Variants in TMEM245 observed in about 807,000 individuals in gnomAD.
TMEM245 encodes the protein transmembrane protein 245, also known as protein CG-2.
Under a neutral mutation model 101.2 loss-of-function variants are expected in TMEM245, and 69 were observed. The observed-to-expected ratio is 0.68, with a 90% CI of 0.56 to 0.83. The LOEUF (loss-of-function observed/expected upper bound fraction) is 0.83. Among genes scored for constraint, TMEM245 ranks in the 40% least tolerant of loss-of-function variants. TMEM245 has a pLI of 0.00. For missense variants in TMEM245, 1,075 were observed against 1,092.8 expected, an observed-to-expected ratio of 0.98 and a Z score of 0.23; for synonymous variants, 537 against 449.8, an observed-to-expected ratio of 1.19 and a Z score of -2.45.
chr9:109,042,725 A>G (rs568394274), intron 14 of TMEM245, among the ~76,000 whole-genome samples: 1 of 151,916 alleles, frequency 6.6e-6, no homozygotes, highest in Non-Finnish European at 1.5e-5. Context: ...GGTTTTTAGT[A>G]TGCGCACAAT....
chr9:109,110,610 C>T (rs924217105), intron 1 of TMEM245, among the ~76,000 whole-genome samples: 1 of 151,884 alleles, frequency 6.6e-6, no homozygotes, highest in Non-Finnish European at 1.5e-5. Context: ...TTCAGAGGTA[C>T]GTCAGTTAGC....
At chr9:109,088,743 G>A (rs1251264894) in intron 5 of TMEM245, among the ~76,000 whole-genome samples, 1 of 146,052 alleles carries the variant, frequency 6.8e-6, no homozygotes, top group Non-Finnish European at 1.5e-5. Context: ...GTGAACCCAG[G>A]AAGTGAAGCT....
At position 109,016,713 on chromosome 9, in the gene TMEM245, G is replaced by A. The variant is rs1827456543; in HGVS notation, c.*3747C>T. 2 of 137,788 alleles carry A rather than the reference G, an allele frequency of 1.5e-5. No individual in the cohort carries two copies. The highest frequency in any genetic ancestry group is 7.7e-5 in the Admixed American group (1 of 12,984). 8.5% of individuals were successfully genotyped at this position (137,788 alleles called of 1,614,324 possible). ...CCAATAATCGGTAAGTTAATAAAAT[G>A]AATATATTTTGATGGCAGAATGTTG... is the stretch of plus-strand genomic sequence containing the variant. On this transcript the variant is annotated 3_prime_UTR_variant, in exon 18 of 18. Coordinates refer to ENST00000374586, the MANE Select transcript of TMEM245 (RefSeq NM_032012.4).
intron 1 of TMEM245, among the ~76,000 whole-genome samples, chr9:109,117,671 T>G (rs1156229271): frequency 6.6e-6 from 1 of 152,234 alleles, no homozygotes; most frequent in Admixed American, 6.5e-5. Flanking sequence ...TCATGCCAAA[T>G]TACTTAGGTA....
At chr9:109,047,294 C>T (rs1367356628) in intron 14 of TMEM245, among the ~76,000 whole-genome samples, 3 of 152,212 alleles carry the variant, frequency 2.0e-5, no homozygotes, top group Non-Finnish European at 4.4e-5. Flanking sequence ...AGTGTATGCA[C>T]TCCCAAGAAG....
intron 17 of TMEM245, among the ~76,000 whole-genome samples, chr9:109,032,442 T>C (rs1051996196): frequency 7.6e-5 from 10 of 132,396 alleles, no homozygotes; most frequent in Non-Finnish European, 1.6e-4. Context: ...TGGAATCCAA[T>C]GGCATGATCT....
At position 109,119,721 on chromosome 9, in the gene TMEM245, G is replaced by C. The variant is rs747250014; in HGVS notation, c.193C>G (p.Leu65Val). ...YNTGAVLFVC[L>V]CCGAAVLVYF... is the part of the protein sequence containing the mutation. ...ACCAGCACCGCGGCGCCGCAGCACA[G>C]GCACACGAACAGCACGGCCCCGGTG... Residue 65 changes from leucine (L) to valine (V), a missense_variant, in exon 1 of 18, where the codon CTG becomes GTG. Transcript: ENST00000374586. 3.2e-6 allele frequency: 5 copies of C among 1,548,202 alleles called. No homozygotes were observed. The highest frequency in any genetic ancestry group is 3.8e-5 in the Admixed American group (2 of 53,146).
At chr9:109,112,620 A>G (rs1830596364) in intron 1 of TMEM245, among the ~76,000 whole-genome samples, 1 of 152,156 alleles carries the variant, frequency 6.6e-6, no homozygotes, top group Non-Finnish European at 1.5e-5. Flanking sequence ...AAATGAAAAG[A>G]GCAAGGTACA....
At chr9:109,036,127 G>GA (rs1485380933) in intron 16 of TMEM245, 79 bp downstream of exon 16, 6 of 1,290,836 alleles carry the variant, frequency 4.6e-6, no homozygotes, top group South Asian at 1.8e-5. Context: ...ACCCCCAGGA[G>GA]AAAAAAATCC....
chr9:109,118,542 A>G (rs1180584545), intron 1 of TMEM245, among the ~76,000 whole-genome samples: 1 of 152,198 alleles, frequency 6.6e-6, no homozygotes, highest in Non-Finnish European at 1.5e-5. Flanking sequence ...AAATCTTTCC[A>G]ATTCTAAAGC....
chr9:109,110,570 TA>T (rs56033581), intron 1 of TMEM245, among the ~76,000 whole-genome samples: 5 of 151,142 alleles, frequency 3.3e-5, no homozygotes, highest in Non-Finnish European at 5.9e-5. Context: ...TTGTTGAAAT[TA>T]AAAAAAAATC....
intron 10 of TMEM245, 104 bp from the exon 11 acceptor site, chr9:109,060,556 G>T: frequency 1.4e-6 from 1 of 725,228 alleles, no homozygotes; most frequent in Non-Finnish European, 2.3e-6. Context: ...AAACAAAAAT[G>T]TTCCAGACTA....
chr9:109,057,312 T>G lies in TMEM245; in HGVS notation c.1733A>C (p.His578Pro). 1.2e-6 allele frequency: 2 copies of G among 1,613,950 alleles called. No homozygotes were observed. Among genetic ancestry groups the G allele is most frequent in the Non-Finnish European group, 1.7e-6 (2 of 1,179,868 alleles). The change falls in exon 12 of 18, where the codon CAC becomes CCC. Residue 578 changes from histidine (H) to proline (P), a missense_variant. By Grantham distance (77) the His-to-Pro change is moderately conservative. Transcript: ENST00000374586. The part of the protein sequence containing the change: ...YHSWFVKNVT[H>P]SGRHKGQKLH... ...CTTCTGTCCTTTGTGCCTTCCAGAGTGTGTTACATTCTATGGAATAAAACA... is the reference window on the plus strand; with the variant it reads ...CTTCTGTCCTTTGTGCCTTCCAGAGGGTGTTACATTCTATGGAATAAAACA...
intron 17 of TMEM245, among the ~76,000 whole-genome samples, chr9:109,021,819 C>A (rs945419149): frequency 4.0e-5 from 6 of 151,754 alleles, no homozygotes; most frequent in African/African-American, 9.7e-5. Flanking sequence ...ACCACCCCCC[C>A]AAAAAAAGCA....
intron 17 of TMEM245, among the ~76,000 whole-genome samples, chr9:109,031,941 C>T (rs1264872941): frequency 1.3e-5 from 2 of 152,090 alleles, no homozygotes; most frequent in Non-Finnish European, 2.9e-5. Context: ...ATAATTTTTT[C>T]CCAACTTTGT....
chr9:109,083,117 A>C (rs1829715971), intron 7 of TMEM245, among the ~76,000 whole-genome samples: 1 of 152,082 alleles, frequency 6.6e-6, no homozygotes, highest in Non-Finnish European at 1.5e-5. Flanking sequence ...CAAGCAAAAA[A>C]AAAATGGGGG....
chr9:109,055,137 C>CT (rs565407057), intron 12 of TMEM245, among the ~76,000 whole-genome samples: 46 of 152,334 alleles, frequency 3.0e-4, no homozygotes, highest in African/African-American at 1.1e-3. Flanking sequence ...TGATTCAACA[C>CT]TGTCACTTCA....
chr9:109,036,650 G>C (rs1418959884), intron 15 of TMEM245, among the ~76,000 whole-genome samples: 1 of 152,152 alleles, frequency 6.6e-6, no homozygotes, highest in African/African-American at 2.4e-5. Context: ...CAAGGGTTCT[G>C]TAGTTGCTAC....
At chr9:109,048,781 T>G (rs1264022853) in intron 14 of TMEM245, among the ~76,000 whole-genome samples, 1 of 152,166 alleles carries the variant, frequency 6.6e-6, no homozygotes, top group East Asian at 1.9e-4. Flanking sequence ...AAAGAGCTTA[T>G]ACAGAGGAAA....
Sources: allele counts gnomAD v4.1 joint callset (sites outside exome capture counted in the v4.1 genomes callset), GRCh38; gene constraint gnomAD v4.1.1; transcripts MANE v1.5; gene names NCBI Gene and HGNC (gene_info 2026-07-23, HGNC 2026-07-21).